AVEN: variants seen among roughly 807,000 people sequenced by gnomAD.
AVEN encodes the protein cell death regulator Aven.
Under a neutral mutation model 38.1 loss-of-function variants are expected in AVEN, and 41 were observed. The observed-to-expected ratio is 1.08, with a 90% CI of 0.84 to 1.40. The LOEUF is 1.40. AVEN is among the 40% of genes most tolerant of loss of function. The pLI is 0.00. For missense variants in AVEN, 605 were observed against 438.8 expected (o/e 1.38, Z -3.38); for synonymous variants, 206 against 171.8 (o/e 1.20, Z -1.56).
intron 1 of AVEN, among the ~76,000 whole-genome samples, chr15:34,014,399 A>C (rs1897786719): frequency 7.3e-6 from 1 of 136,836 alleles, no homozygotes; most frequent in Admixed American, 7.6e-5. Context: ...AACAAAAACC[A>C]CGTTTGAGGA....
At chr15:34,020,850 T>C (rs1898170788) in intron 1 of AVEN, among the ~76,000 whole-genome samples, 1 of 152,242 alleles carries the variant, frequency 6.6e-6, no homozygotes, top group African/African-American at 2.4e-5. Flanking sequence ...CAGTAAAAGC[T>C]GTTTGATTTG....
intron 5 of AVEN, among the ~76,000 whole-genome samples, chr15:34,054,409 CA>C (rs547496293): frequency 6.3e-4 from 96 of 152,162 alleles, no homozygotes; most frequent in African/African-American, 2.2e-3. Flanking sequence ...TCCACAATAG[CA>C]AAGACATAGA....
At chr15:34,067,946 A>G (rs1900551058) in intron 2 of AVEN, among the ~76,000 whole-genome samples, 2 of 152,210 alleles carry the variant, frequency 1.3e-5, no homozygotes, top group African/African-American at 4.8e-5. Context: ...GGAAGAAGGG[A>G]AAAAAGTTTA....
chr15:34,066,351 T>G (rs1900510484), intron 3 of AVEN: 1 of 152,274 alleles, frequency 6.6e-6, no homozygotes, highest in Non-Finnish European at 1.5e-5. Flanking sequence ...AATAGGCTTT[T>G]AAGCCCATGT....
chr15:33,989,953 C>A (rs113381406), intron 2 of AVEN, among the ~76,000 whole-genome samples: 35 of 151,300 alleles, frequency 2.3e-4, no homozygotes, highest in Admixed American at 6.6e-5. Flanking sequence ...CCTCTAATCC[C>A]AGCACTTTGG....
At chr15:33,931,456 C>T (rs1416795525) in intron 2 of AVEN, among the ~76,000 whole-genome samples, 2 of 147,976 alleles carry the variant, frequency 1.4e-5, no homozygotes, top group Admixed American at 6.8e-5. Flanking sequence ...CTGCAAGCTC[C>T]GCCTCCTGGG....
rs532207654 is a variant in AVEN, at chr15:33,969,110, C to T, written c.445+33922G>A. 2.0e-5 allele frequency: 3 copies of T among 152,132 alleles called. No homozygotes were observed. The East Asian group carries it at 5.8e-4, about 29-fold the overall frequency. The allele number at this position is 152,132 out of a possible 1,614,324, so 9.4% of individuals were successfully genotyped here. The stretch of plus-strand genomic sequence containing the variant: ...GGGTCTCGAAGCTTACTATTTCCAG[C>T]CAGAGTTCAAATTACTGAGCTTCAA... On this transcript the variant is annotated intron_variant, in intron 2 of 5. Coordinates refer to ENST00000306730, the MANE Select transcript of AVEN (RefSeq NM_020371.3).
chr15:33,947,046 T>C (rs952185979), intron 2 of AVEN, among the ~76,000 whole-genome samples: 2 of 152,054 alleles, frequency 1.3e-5, no homozygotes, highest in East Asian at 1.9e-4. Flanking sequence ...GTTAGGGCCA[T>C]GGAATTAGAG....
intron 5 of AVEN, among the ~76,000 whole-genome samples, chr15:34,057,116 C>T (rs987790830): frequency 1.4e-5 from 2 of 148,024 alleles, no homozygotes; most frequent in African/African-American, 2.5e-5. Context: ...TCATTCCTAC[C>T]AGGAGAAGAG....
chr15:34,040,271 A>G (rs1899414496), upstream of AVEN, among the ~76,000 whole-genome samples: 1 of 152,194 alleles, frequency 6.6e-6, no homozygotes, highest in Admixed American at 6.5e-5. Flanking sequence ...TGCTGAGTGC[A>G]GTGAGAGATT....
rs769941156 is a variant in AVEN, at chr15:34,063,243, C to T, written n.1316G>A. The T allele has an allele frequency of 1.6e-5, 26 of 1,614,196 alleles. No homozygotes were observed. Among genetic ancestry groups the T allele is most frequent in the East Asian group, 8.9e-5 (4 of 44,878 alleles). On this transcript the variant is annotated non_coding_transcript_exon_variant, in exon 5 of 12. Transcript: ENST00000675287. The surrounding 1 kb of genome is among the most constrained non-coding windows in gnomAD (Gnocchi z 4.1). ...CTGCTGGCAGTACTTGGTTGGGAAG[C>T]GGACAGTTCCACTGGATGAGTGCCA...
At chr15:34,061,985 G>A (rs181778330) in intron 5 of AVEN, among the ~76,000 whole-genome samples, 7 of 152,268 alleles carry the variant, frequency 4.6e-5, no homozygotes, top group Admixed American at 3.9e-4. Flanking sequence ...CAGCCCTTAT[G>A]ATCATTGCAA....
At chr15:33,936,022 AT>A (rs1173096884) in intron 2 of AVEN, among the ~76,000 whole-genome samples, 1 of 152,182 alleles carries the variant, frequency 6.6e-6, no homozygotes, top group African/African-American at 2.4e-5. Context: ...CGATTTCAAG[AT>A]TTAAAAAAGC....
rs563285661 is a variant in AVEN, at chr15:33,950,009, T to C, written c.445+53023A>G. Among the ~76,000 whole-genome samples the C allele has an allele frequency of 2.6e-5, 4 of 152,264 alleles. No individual in the cohort carries two copies. The East Asian group carries it at 5.8e-4, about 22-fold the overall frequency. ...GGATAAAGAAAATGTGATATATATA[T>C]ACCATGGAATATTATTTAGCCATAA... On this transcript the variant is annotated intron_variant, in intron 2 of 5. Transcript: ENST00000306730.
chr15:34,028,119 C>CT (rs1271690649), intron 1 of AVEN, among the ~76,000 whole-genome samples: 2 of 152,144 alleles, frequency 1.3e-5, no homozygotes, highest in East Asian at 3.9e-4. Context: ...TCAGCAAAAG[C>CT]TGGGAGACTT....
intron 2 of AVEN, among the ~76,000 whole-genome samples, chr15:33,913,333 T>C (rs1892989225): frequency 1.3e-5 from 2 of 152,246 alleles, no homozygotes; most frequent in Admixed American, 6.5e-5. Context: ...AAGGAGTAGA[T>C]ATATACATAC....
chr15:33,935,780 G>A (rs952450939), intron 2 of AVEN, among the ~76,000 whole-genome samples: 1 of 151,844 alleles, frequency 6.6e-6, no homozygotes, highest in African/African-American at 2.4e-5. Context: ...TCTTAAATAG[G>A]GTGATTATGA....
At chr15:33,892,363 T>G (rs1892019542) in intron 2 of AVEN, among the ~76,000 whole-genome samples, 2 of 152,262 alleles carry the variant, frequency 1.3e-5, no homozygotes, top group Non-Finnish European at 2.9e-5. Flanking sequence ...GTTTTAGGTC[T>G]AACAGTTAAG....
intron 2 of AVEN, among the ~76,000 whole-genome samples, chr15:33,879,174 C>T (rs7168901): frequency 0.027 from 4,118 of 150,326 alleles, 88 homozygotes; most frequent in African/African-American, 0.052. Context: ...AATGATAGAC[C>T]GGATTAAGAA....
Sources: gnomAD v4.1 joint callset for allele counts (sites outside exome capture counted in the v4.1 genomes callset) on GRCh38, gnomAD v4.1.1 for gene constraint, Gnocchi (gnomAD v3.1) non-coding constraint, MANE v1.5 for transcripts, NCBI Gene and HGNC (gene_info 2026-07-23, HGNC 2026-07-21) for gene names.